The following JARID2 variants were observed in gnomAD, a reference collection of about 807,000 sequenced individuals.
JARID2 encodes jumonji and AT-rich interaction domain containing 2, also known as protein Jumonji.
Under a neutral mutation model 125.6 loss-of-function variants are expected in JARID2, and 21 were observed. The ratio of observed to expected loss-of-function variants is 0.17; its 90% CI spans 0.12 to 0.24. JARID2 has a LOEUF of 0.24. JARID2 is among the 10% of genes least tolerant of loss of function. The pLI is 1.00. For missense variants in JARID2, 1,303 were observed against 1,639.6 expected (o/e 0.79, Z 3.55); for synonymous variants, 736 against 661.6 (o/e 1.11, Z -1.73).
At chr6:15,436,688 C>T (rs1767219257) in intron 3 of JARID2, among the ~76,000 whole-genome samples, 1 of 152,144 alleles carries the variant, frequency 6.6e-6, no homozygotes, top group African/African-American at 2.4e-5. Flanking sequence ...CTATTCCCAG[C>T]ACTCCTGTAT....
chr6:15,431,599 A>G (rs887425030), intron 3 of JARID2, among the ~76,000 whole-genome samples: 6 of 152,266 alleles, frequency 3.9e-5, no homozygotes, highest in African/African-American at 1.4e-4. Flanking sequence ...TTCAAGCCTC[A>G]GAAGACCAGG....
Position 15,487,392 on chromosome 6 carries a change from G to T in JARID2, c.756G>T (p.Lys252Asn). ...KSKEATPAKE[K>N]HSDHRADSRR... is the part of the protein sequence containing the mutation. ...AAGAGGCCACTCCCGCAAAGGAGAA[G>T]CACAGCGATCACCGGGCTGACAGCC... The change falls in exon 6 of 18, where the codon AAG becomes AAT. Residue 252 changes from lysine (K) to asparagine (N), a missense_variant. This residue lies in a region of JARID2 where 651 missense variants were observed against 581.6 expected (regional missense o/e 1.12). Coordinates refer to ENST00000341776, the MANE Select transcript of JARID2 (RefSeq NM_004973.4). The T allele has an allele frequency of 1.2e-6, 2 of 1,614,256 alleles. No homozygotes were observed. The highest frequency in any genetic ancestry group is 1.7e-6 in the Non-Finnish European group (2 of 1,180,050).
chr6:15,501,485 T>C (rs1770731686), intron 8 of JARID2, 76 bp downstream of exon 8: 2 of 1,395,160 alleles, frequency 1.4e-6, no homozygotes, highest in South Asian at 2.9e-5. Flanking sequence ...GAGCGTGCTA[T>C]GCACTGGACG....
intron 1 of JARID2, among the ~76,000 whole-genome samples, chr6:15,277,005 G>T (rs774803084): frequency 6.6e-6 from 1 of 152,154 alleles, no homozygotes; most frequent in Non-Finnish European, 1.5e-5. Context: ...TAGAAGATGA[G>T]ACTCCATTCA....
At chr6:15,293,593 C>T (rs576834743) in intron 1 of JARID2, among the ~76,000 whole-genome samples, 1 of 152,298 alleles carries the variant, frequency 6.6e-6, no homozygotes, top group East Asian at 1.9e-4. Context: ...GCCAGGGAGA[C>T]AGGTATACAA....
At chr6:15,387,430 T>C (rs1482335981) in intron 2 of JARID2, among the ~76,000 whole-genome samples, 1 of 152,218 alleles carries the variant, frequency 6.6e-6, no homozygotes, top group Non-Finnish European at 1.5e-5. Context: ...TGGGTTCCTG[T>C]TGAGTGCCCT....
In JARID2 at chr6:15,289,551, T is replaced by TAA. The variant is rs371096822; in HGVS notation, c.45+42978_45+42979dup. On this transcript the variant is annotated intron_variant, in intron 1 of 17. Transcript: ENST00000341776. ...CAGCCCCTTCTTACTCTTTAAATTG[T>TAA]AAAAAAAAAAAACCATGTTTTAAGG... Among the ~76,000 whole-genome samples the TAA allele has an allele frequency of 3.2e-4, 47 of 144,936 alleles. 1 individual carries two copies. Among genetic ancestry groups the TAA allele is most frequent in the African/African-American group, 5.8e-4 (23 of 39,934 alleles).
chr6:15,303,681 CT>C (rs1323120413), intron 1 of JARID2, among the ~76,000 whole-genome samples: 1 of 152,194 alleles, frequency 6.6e-6, no homozygotes, highest in East Asian at 1.9e-4. Flanking sequence ...TTTGGGAATG[CT>C]TTGAATACTG....
chr6:15,347,450 G>T (rs888411620), intron 1 of JARID2, among the ~76,000 whole-genome samples: 2 of 152,164 alleles, frequency 1.3e-5, no homozygotes, highest in African/African-American at 2.4e-5. Flanking sequence ...TAAACCATCA[G>T]AATTCATTTT....
intron 2 of JARID2, chr6:15,401,059 T>G: frequency 7.8e-7 from 1 of 1,289,314 alleles, no homozygotes; most frequent in Non-Finnish European, 1.0e-6. Flanking sequence ...TAGCTCTAGA[T>G]TTGTTTCAGG....
intron 4 of JARID2, among the ~76,000 whole-genome samples, chr6:15,464,713 C>T (rs1768627154): frequency 6.6e-6 from 1 of 152,216 alleles, no homozygotes; most frequent in Admixed American, 6.5e-5. Context: ...TTTTCCCAGT[C>T]TTCCTTCCAT....
chr6:15,511,820 C>T (rs1161473177), intron 13 of JARID2, among the ~76,000 whole-genome samples: 3 of 152,192 alleles, frequency 2.0e-5, no homozygotes, highest in Non-Finnish European at 4.4e-5. Context: ...CCTGCCGGTC[C>T]CGCCTGTCCA....
intron 2 of JARID2, among the ~76,000 whole-genome samples, chr6:15,376,052 G>C (rs1022375627): frequency 1.3e-5 from 2 of 152,196 alleles, no homozygotes; most frequent in Non-Finnish European, 2.9e-5. Context: ...CCAAATGTAG[G>C]TTTAGCTCTG....
chr6:15,491,856 G>T (rs1460272620), intron 6 of JARID2, among the ~76,000 whole-genome samples: 2 of 152,166 alleles, frequency 1.3e-5, no homozygotes, highest in Admixed American at 6.5e-5. Flanking sequence ...ATTGGGTACA[G>T]TTTTTAAGAT....
At chr6:15,452,529 T>C (rs75432242) in intron 4 of JARID2, among the ~76,000 whole-genome samples, 3,875 of 152,350 alleles carry the variant, frequency 0.025, 68 homozygotes, top group South Asian at 0.052. Context: ...GCAGTTTTTT[T>C]TTGATGCAGG....
chr6:15,435,861 G>C (rs150323542), intron 3 of JARID2, among the ~76,000 whole-genome samples: 1 of 151,496 alleles, frequency 6.6e-6, no homozygotes, highest in South Asian at 2.1e-4. Flanking sequence ...CAGGAGTACA[G>C]AGCAAACCAA....
chr6:15,450,270 A>G (rs1767860533), intron 3 of JARID2, among the ~76,000 whole-genome samples: 1 of 151,982 alleles, frequency 6.6e-6, no homozygotes, highest in Non-Finnish European at 1.5e-5. Context: ...CCCGGGTTCC[A>G]GCGATTCTCC....
chr6:15,511,852 G>A (rs1771295500), intron 13 of JARID2, among the ~76,000 whole-genome samples: 1 of 152,186 alleles, frequency 6.6e-6, no homozygotes, highest in Non-Finnish European at 1.5e-5. Flanking sequence ...AGATGGACGG[G>A]GGACTCCTTT....
chr6:15,510,078 A>G (rs983075853), intron 12 of JARID2, among the ~76,000 whole-genome samples: 2 of 152,106 alleles, frequency 1.3e-5, no homozygotes, highest in Admixed American at 1.3e-4. Flanking sequence ...TCACAGACAC[A>G]TAGGGGCTGC....
Sources: gnomAD v4.1 joint callset for allele counts (sites outside exome capture counted in the v4.1 genomes callset) on GRCh38, gnomAD v4.1.1 for gene constraint, gnomAD v4.1.1 regional missense constraint, MANE v1.5 for transcripts, NCBI Gene and HGNC (gene_info 2026-07-23, HGNC 2026-07-21) for gene names.